The following CLSTN2 variants were observed in gnomAD, a reference collection of about 807,000 sequenced individuals.
CLSTN2 encodes the protein calsyntenin 2.
In CLSTN2, 48 loss-of-function variants were observed where a neutral mutation model predicts 101.2. That is an observed-to-expected ratio of 0.47 (90% CI 0.38 to 0.60). CLSTN2 has a LOEUF of 0.60. CLSTN2 is among the 20% of genes least tolerant of loss of function. CLSTN2 has a pLI of 0.00. For missense variants in CLSTN2, 1,160 were observed against 1,238.2 expected (o/e 0.94, Z 0.95); for synonymous variants, 481 against 463.6 (o/e 1.04, Z -0.48).
intron 2 of CLSTN2, among the ~76,000 whole-genome samples, chr3:140,355,963 T>G (rs1031511142): frequency 6.6e-6 from 1 of 152,256 alleles, no homozygotes; most frequent in Non-Finnish European, 1.5e-5. Flanking sequence ...CATAAATATT[T>G]TTGAGTATTT....
rs139620211 is a variant in CLSTN2 at position 140,331,356 on chromosome 3, G to T, written c.233-72273G>T. Among the ~76,000 whole-genome samples, 14 of 152,248 alleles carry T rather than the reference G, an allele frequency of 9.2e-5. No homozygotes were observed. In the East Asian group the frequency reaches 2.7e-3, roughly 29 times the overall value. ...AATGATGGTGGGGCTTCCTTGCACA[G>T]TCCACTGATTCACATGTCTGAGTCC... is the stretch of plus-strand genomic sequence containing the variant. On this transcript the variant is annotated intron_variant, in intron 2 of 16. Coordinates refer to ENST00000458420, the MANE Select transcript of CLSTN2 (RefSeq NM_022131.3).
At chr3:140,483,755 A>G (rs755194523) in intron 8 of CLSTN2, among the ~76,000 whole-genome samples, 2 of 152,190 alleles carry the variant, frequency 1.3e-5, no homozygotes, top group Non-Finnish European at 2.9e-5. Context: ...ATCAGAGACT[A>G]GGATTGCAAC....
At chr3:140,163,823 A>T (rs557300281) in intron 1 of CLSTN2, among the ~76,000 whole-genome samples, 345 of 152,030 alleles carry the variant, frequency 2.3e-3, no homozygotes, top group Non-Finnish European at 4.2e-3. Context: ...ACACGACCGT[A>T]AAGGCTGGCA....
intron 5 of CLSTN2, among the ~76,000 whole-genome samples, chr3:140,425,949 T>TTG (rs2088561500): frequency 6.6e-6 from 1 of 152,184 alleles, no homozygotes. Context: ...TCTCTTTGTT[T>TTG]TGTTCTGAGC....
intron 2 of CLSTN2, among the ~76,000 whole-genome samples, chr3:140,377,042 A>AGAGAGGATG (rs143529942): frequency 1.2e-4 from 18 of 149,802 alleles, no homozygotes; most frequent in Admixed American, 2.0e-4. Context: ...GAGAGAGAGG[A>AGAGAGGATG]TGTGTGTGTG....
At chr3:140,342,542 A>G (rs1427437416) in intron 2 of CLSTN2, among the ~76,000 whole-genome samples, 1 of 152,124 alleles carries the variant, frequency 6.6e-6, no homozygotes, top group South Asian at 2.1e-4. Context: ...GACTAGGGAG[A>G]CAGCCCCCTC....
intron 2 of CLSTN2, among the ~76,000 whole-genome samples, chr3:140,243,097 C>T (rs752628987): frequency 1.3e-5 from 2 of 152,198 alleles, no homozygotes; most frequent in Non-Finnish European, 2.9e-5. Context: ...AGTCAAGTCC[C>T]ACTTTCCAAA....
intron 6 of CLSTN2, chr3:140,452,812 C>T (rs528549340): frequency 6.6e-6 from 1 of 152,288 alleles, no homozygotes; most frequent in South Asian, 2.1e-4. Context: ...CCTCTGTGTC[C>T]CCTTTAGCTT....
intron 2 of CLSTN2, among the ~76,000 whole-genome samples, chr3:140,354,471 A>C (rs2087643142): frequency 6.6e-6 from 1 of 152,098 alleles, no homozygotes; most frequent in African/African-American, 2.4e-5. Flanking sequence ...GTGTCACTCC[A>C]TTCATGATTC....
At chr3:140,244,380 C>T (rs932967723) in intron 2 of CLSTN2, among the ~76,000 whole-genome samples, 1 of 152,106 alleles carries the variant, frequency 6.6e-6, no homozygotes, top group Non-Finnish European at 1.5e-5. Flanking sequence ...AGTATGGGAC[C>T]CACCCTACAA....
Position 140,404,722 on chromosome 3 carries a change from A to G in CLSTN2, c.593A>G (p.Tyr198Cys), listed in dbSNP as rs2088283593. 3 of 1,614,196 alleles carry G rather than the reference A, an allele frequency of 1.9e-6. No homozygotes were observed. Among genetic ancestry groups the G allele is most frequent in the Non-Finnish European group, 2.5e-6 (3 of 1,180,026 alleles). ...CCACAGTACAGCCAGATCTGCAACT[A>G]TGAAATCGTCACCACAGATGTGCCT... Reference protein sequence around the residue: ...CSPQYSQICNYEIVTTDVPFA... With the variant: ...CSPQYSQICNCEIVTTDVPFA... Residue 198 changes from tyrosine to cysteine, a missense_variant, in exon 4 of 17, where the codon TAT becomes TGT. Coordinates refer to ENST00000458420, the MANE Select transcript of CLSTN2 (RefSeq NM_022131.3).
intron 2 of CLSTN2, among the ~76,000 whole-genome samples, chr3:140,191,347 A>G (rs977532605): frequency 6.6e-6 from 1 of 151,956 alleles, no homozygotes; most frequent in African/African-American, 2.4e-5. Flanking sequence ...ATCCATATTT[A>G]TGAGGAATAT....
Position 140,567,889 on chromosome 3 carries a change from G to A in CLSTN2, c.*1636G>A, listed in dbSNP as rs779204966. ...TCCTCTAGTCTGACCTCCACCCAGGGAGGACCCATGGCAGGTCTTTTCAAC... is the reference window on the plus strand; with the variant it reads ...TCCTCTAGTCTGACCTCCACCCAGGAAGGACCCATGGCAGGTCTTTTCAAC... On this transcript the variant is annotated 3_prime_UTR_variant, in exon 17 of 17. Coordinates refer to ENST00000458420, the MANE Select transcript of CLSTN2 (RefSeq NM_022131.3). 6 of 152,220 alleles carry A rather than the reference G, an allele frequency of 3.9e-5. No individual in the cohort carries two copies. Among genetic ancestry groups the A allele is most frequent in the Non-Finnish European group, 8.8e-5 (6 of 68,034 alleles). The allele number at this position is 152,220 out of a possible 1,614,324, so 9.4% of individuals were successfully genotyped here.
At chr3:140,003,494 T>C (rs1055462041) in intron 1 of CLSTN2, among the ~76,000 whole-genome samples, 2 of 152,200 alleles carry the variant, frequency 1.3e-5, no homozygotes, top group African/African-American at 4.8e-5. Context: ...ATTTCACTTC[T>C]TCCTTTCCAA....
intron 1 of CLSTN2, among the ~76,000 whole-genome samples, chr3:140,021,959 A>G (rs2007327417): frequency 6.6e-6 from 1 of 152,224 alleles, no homozygotes; most frequent in African/African-American, 2.4e-5. Context: ...CAGGCGGCAG[A>G]CAGAACTGGG....
chr3:140,525,839 G>C (rs1935126105), intron 8 of CLSTN2, among the ~76,000 whole-genome samples: 1 of 152,114 alleles, frequency 6.6e-6, no homozygotes, highest in South Asian at 2.1e-4. Flanking sequence ...TATCTTAATA[G>C]ATGCAGAAAA....
At position 140,466,625 on chromosome 3, in the gene CLSTN2, A is replaced by G. The variant is rs1559878057; in HGVS notation, c.1238A>G (p.His413Arg). The G allele has an allele frequency of 6.2e-7, 1 of 1,614,160 alleles. No individual in the cohort carries two copies. Among genetic ancestry groups the G allele is most frequent in the Admixed American group, 1.7e-5 (1 of 60,030 alleles). Reference protein sequence around the residue: ...NSDKTEMNRHHYALYVHNCRL... With the variant: ...NSDKTEMNRHRYALYVHNCRL... ...TGCTTTTCAGAAATGAACCGGCATC[A>G]CTATGCCCTGTATGTGCACAACTGC... Residue 413 changes from histidine to arginine, a missense_variant, in exon 8 of 17, where the codon CAC (histidine) becomes CGC (arginine). His to Arg is a conservative substitution (Grantham distance 29). Coordinates refer to ENST00000458420, the MANE Select transcript of CLSTN2 (RefSeq NM_022131.3).
At chr3:139,992,226 G>A (rs1426032) in intron 1 of CLSTN2, among the ~76,000 whole-genome samples, 3,727 of 152,302 alleles carry the variant, frequency 0.024, 72 homozygotes, top group East Asian at 0.074. Context: ...AGGCATGGAA[G>A]TATGAATGAG....
chr3:140,041,292 A>G (rs1329491479), intron 1 of CLSTN2, among the ~76,000 whole-genome samples: 2 of 152,170 alleles, frequency 1.3e-5, no homozygotes, highest in South Asian at 2.1e-4. Context: ...GAGATGGCCA[A>G]CTGCTCTGCA....
Sources: allele counts gnomAD v4.1 joint callset (sites outside exome capture counted in the v4.1 genomes callset), GRCh38; gene constraint gnomAD v4.1.1; transcripts MANE v1.5; gene names NCBI Gene and HGNC (gene_info 2026-07-23, HGNC 2026-07-21).